The following PCCA variants were observed in gnomAD, a reference collection of about 807,000 sequenced individuals.
PCCA encodes propionyl-CoA carboxylase alpha chain, mitochondrial.
Under a neutral mutation model 101.3 loss-of-function variants are expected in PCCA, and 74 were observed. The ratio of observed to expected loss-of-function variants is 0.73; its 90% CI spans 0.61 to 0.89. The LOEUF (loss-of-function observed/expected upper bound fraction) is 0.89, where lower values mean the gene tolerates loss of function less well. Ranked by LOEUF, PCCA falls within the 40% of genes least tolerant of loss-of-function variation. The probability of loss-of-function intolerance (pLI) is 0.00; values close to 1 mark genes in which losing one functional copy is unlikely to be tolerated. For missense variants in PCCA, 891 were observed against 907.0 expected (o/e 0.98, Z 0.23); for synonymous variants, 294 against 313.6 (o/e 0.94, Z 0.66).
chr13:100,381,820 A>T (rs570246890), intron 19 of PCCA, among the ~76,000 whole-genome samples: 2 of 152,166 alleles, frequency 1.3e-5, no homozygotes, highest in Admixed American at 1.3e-4. Flanking sequence ...AACTCCACTC[A>T]TTTGCACCTG....
At chr13:100,270,659 T>G (rs1428148763) in intron 11 of PCCA, among the ~76,000 whole-genome samples, 1 of 152,206 alleles carries the variant, frequency 6.6e-6, no homozygotes, top group African/African-American at 2.4e-5. Context: ...TGACCTGATA[T>G]GTATTTGTAC....
chr13:100,358,915 G>A (rs1319971240), intron 18 of PCCA, among the ~76,000 whole-genome samples: 2 of 152,098 alleles, frequency 1.3e-5, no homozygotes, highest in Admixed American at 1.3e-4. Flanking sequence ...GGCCAACATG[G>A]TGAAACCCTG....
At chr13:100,181,939 A>G (rs1594583272) in intron 6 of PCCA, among the ~76,000 whole-genome samples, 1 of 108,904 alleles carries the variant, frequency 9.2e-6, no homozygotes, top group Non-Finnish European at 1.9e-5. Flanking sequence ...TAATTTTTGT[A>G]TTTTTTTGTA....
At chr13:100,314,306 C>G (rs1296928867) in intron 16 of PCCA, among the ~76,000 whole-genome samples, 3 of 152,198 alleles carry the variant, frequency 2.0e-5, no homozygotes, top group Non-Finnish European at 2.9e-5. Flanking sequence ...CATGCCCTCT[C>G]CAGGTGCACC....
intron 8 of PCCA, chr13:100,236,465 CTT>C (rs1223445867): frequency 1.4e-5 from 2 of 143,986 alleles, no homozygotes; most frequent in Non-Finnish European, 1.5e-5. Flanking sequence ...CTTTTCTTTC[CTT>C]TTTTTTTTTT....
intron 21 of PCCA, among the ~76,000 whole-genome samples, chr13:100,452,312 A>G (rs903728851): frequency 3.3e-5 from 5 of 150,002 alleles, no homozygotes; most frequent in African/African-American, 7.4e-5. Flanking sequence ...GCCTTTAGCC[A>G]TCTCTTGTTT....
chr13:100,102,758 A>G (rs2047386603), intron 1 of PCCA, 125 bp from the exon 2 acceptor site: 1 of 693,736 alleles, frequency 1.4e-6, no homozygotes, highest in Middle Eastern at 3.6e-4. Flanking sequence ...TTTATGGTAT[A>G]TTGCCTAGAA....
intron 6 of PCCA, among the ~76,000 whole-genome samples, chr13:100,203,083 C>A (rs9582376): frequency 0.053 from 7,977 of 151,632 alleles, 724 homozygotes; most frequent in African/African-American, 0.18. Flanking sequence ...CCAGCTTGGC[C>A]AACATAATGA....
At chr13:100,123,623 A>G (rs949489874) in intron 4 of PCCA, among the ~76,000 whole-genome samples, 1 of 137,246 alleles carries the variant, frequency 7.3e-6, no homozygotes, top group Non-Finnish European at 1.6e-5. Flanking sequence ...TCCTAATATA[A>G]CAACATAATG....
intron 1 of PCCA, among the ~76,000 whole-genome samples, chr13:100,094,100 T>C (rs2046534917): frequency 6.6e-6 from 1 of 151,916 alleles, no homozygotes; most frequent in East Asian, 1.9e-4. Flanking sequence ...TGGTGGCGCA[T>C]GCCTGTAATC....
intron 6 of PCCA, among the ~76,000 whole-genome samples, chr13:100,171,380 G>A (rs914094721): frequency 6.6e-6 from 1 of 152,182 alleles, no homozygotes; most frequent in Non-Finnish European, 1.5e-5. Flanking sequence ...TGACTGGGTA[G>A]CCTCTTGAGA....
chr13:100,369,202 C>A (rs1185143994), intron 19 of PCCA, among the ~76,000 whole-genome samples: 1 of 152,078 alleles, frequency 6.6e-6, no homozygotes, highest in African/African-American at 2.4e-5. Context: ...AAGTCGTATG[C>A]CTTCGTGTTT....
At chr13:100,103,109 C>G (rs2047425247) in intron 2 of PCCA, 149 bp downstream of exon 2, 1 of 641,954 alleles carries the variant, frequency 1.6e-6, no homozygotes, top group East Asian at 2.7e-5. Context: ...TCTATAGGTG[C>G]TCAGTCTTTA....
intron 12 of PCCA, among the ~76,000 whole-genome samples, chr13:100,280,913 C>G (rs1199641607): frequency 6.6e-6 from 1 of 152,032 alleles, no homozygotes; most frequent in African/African-American, 2.4e-5. Flanking sequence ...TTAGAAGCTA[C>G]CTCACTGCAA....
chr13:100,480,005 C>G (rs1458588170), intron 21 of PCCA, among the ~76,000 whole-genome samples: 1 of 152,132 alleles, frequency 6.6e-6, no homozygotes. Flanking sequence ...TACAGAAAAG[C>G]CCTGGGACTA....
intron 21 of PCCA, among the ~76,000 whole-genome samples, chr13:100,506,804 G>C (rs575603790): frequency 8.5e-5 from 13 of 152,166 alleles, no homozygotes; most frequent in African/African-American, 3.1e-4. Flanking sequence ...GTTGGGCACC[G>C]TCGTGAAATG....
chr13:100,422,544 A>C (rs868532624), intron 19 of PCCA, among the ~76,000 whole-genome samples: 1 of 152,236 alleles, frequency 6.6e-6, no homozygotes, highest in South Asian at 2.1e-4. Flanking sequence ...TTGAATGTAC[A>C]TTTGTTCTTT....
chr13:100,298,638 C>T (rs1246247347), intron 12 of PCCA, among the ~76,000 whole-genome samples: 102 of 658 alleles, frequency 0.16, 17 homozygotes, highest in East Asian at 0.25. Flanking sequence ...TCCCCTCCCT[C>T]CCTCCCTCCC....
chr13:100,232,274 T>G (rs2060518415), intron 7 of PCCA, among the ~76,000 whole-genome samples: 1 of 151,988 alleles, frequency 6.6e-6, no homozygotes, highest in Non-Finnish European at 1.5e-5. Flanking sequence ...ATATGTGTGG[T>G]TCCCTCTGTC....
Sources: allele counts gnomAD v4.1 joint callset (sites outside exome capture counted in the v4.1 genomes callset), GRCh38; gene constraint gnomAD v4.1.1; transcripts MANE v1.5; gene names NCBI Gene and HGNC (gene_info 2026-07-23, HGNC 2026-07-21).